The following SHISA6 variants were observed in gnomAD, a reference collection of about 807,000 sequenced individuals.
SHISA6 encodes shisa family member 6.
Under a neutral mutation model 47.9 loss-of-function variants are expected in SHISA6, and 22 were observed. The ratio of observed to expected loss-of-function variants is 0.46; its 90% CI spans 0.33 to 0.66. The LOEUF (loss-of-function observed/expected upper bound fraction) is 0.66. Ranked by LOEUF, SHISA6 falls within the 30% of genes least tolerant of loss-of-function variation. The pLI is 0.02. For synonymous variants in SHISA6, 388 were observed against 337.8 expected (o/e 1.15, Z -1.63); for missense variants, 680 against 764.6 (o/e 0.89, Z 1.30).
intron 3 of SHISA6, among the ~76,000 whole-genome samples, chr17:11,446,350 C>G (rs1461555937): frequency 6.6e-6 from 1 of 152,176 alleles, no homozygotes; most frequent in Non-Finnish European, 1.5e-5. Context: ...CACACTAGAC[C>G]TTCATCTATG....
At chr17:11,535,089 G>A (rs1197358106) in intron 3 of SHISA6, among the ~76,000 whole-genome samples, 6 of 151,920 alleles carry the variant, frequency 3.9e-5, no homozygotes, top group East Asian at 3.9e-4. Flanking sequence ...AGCCAAGAGC[G>A]CACCACTGCA....
intron 3 of SHISA6, among the ~76,000 whole-genome samples, chr17:11,416,613 T>C (rs912346576): frequency 1.3e-5 from 2 of 152,242 alleles, no homozygotes; most frequent in African/African-American, 4.8e-5. Context: ...TTTAGGACTT[T>C]CTGTATTTAG....
At chr17:11,402,424 G>A (rs1365499071) in intron 3 of SHISA6, among the ~76,000 whole-genome samples, 1 of 152,174 alleles carries the variant, frequency 6.6e-6, no homozygotes. Flanking sequence ...TTGAAATATA[G>A]TTCTCCAAAC....
At chr17:11,494,815 G>T (rs974839946) in intron 3 of SHISA6, among the ~76,000 whole-genome samples, 1 of 152,126 alleles carries the variant, frequency 6.6e-6, no homozygotes, top group Non-Finnish European at 1.5e-5. Context: ...TCTCAATGTT[G>T]GCTGTGCATT....
chr17:11,307,253 C>G (rs1445916393), intron 2 of SHISA6, among the ~76,000 whole-genome samples: 2 of 151,122 alleles, frequency 1.3e-5, no homozygotes, highest in Admixed American at 6.6e-5. Context: ...CTCAAGAGAT[C>G]TCCAAATGCA....
intron 3 of SHISA6, among the ~76,000 whole-genome samples, chr17:11,483,446 A>G (rs2969201): frequency 0.27 from 41,810 of 152,082 alleles, 5,828 homozygotes; most frequent in African/African-American, 0.32. Context: ...CAAGAAATAA[A>G]GTATAGCTTT....
chr17:11,263,078 T>G (rs923680851), intron 1 of SHISA6, among the ~76,000 whole-genome samples: 17 of 152,186 alleles, frequency 1.1e-4, no homozygotes, highest in African/African-American at 3.9e-4. Context: ...AGGTGGATAT[T>G]TGGGGAGCCA....
At chr17:11,482,094 T>A (rs570456942) in intron 3 of SHISA6, among the ~76,000 whole-genome samples, 2 of 151,968 alleles carry the variant, frequency 1.3e-5, no homozygotes, top group Admixed American at 6.6e-5. Flanking sequence ...AAAAATGGAA[T>A]TGAATCAATA....
At chr17:11,540,400 T>C (rs1030879025) in intron 3 of SHISA6, among the ~76,000 whole-genome samples, 2 of 152,186 alleles carry the variant, frequency 1.3e-5, no homozygotes, top group African/African-American at 2.4e-5. Flanking sequence ...AATGGGAGTC[T>C]GGCTATGTCT....
intron 3 of SHISA6, among the ~76,000 whole-genome samples, chr17:11,507,974 T>G (rs1364130250): frequency 6.6e-6 from 1 of 152,130 alleles, no homozygotes; most frequent in Non-Finnish European, 1.5e-5. Context: ...GCCCAAGGAC[T>G]CCAGTGCTAA....
intron 3 of SHISA6, among the ~76,000 whole-genome samples, chr17:11,516,170 T>C (rs545894689): frequency 6.6e-6 from 1 of 152,338 alleles, no homozygotes; most frequent in African/African-American, 2.4e-5. Flanking sequence ...CACCAGAGCA[T>C]TTCCTCAAGC....
chr17:11,316,374 C>A, intron 2 of SHISA6, among the ~76,000 whole-genome samples: 1 of 118,768 alleles, frequency 8.4e-6, no homozygotes, highest in Admixed American at 9.5e-5. Context: ...CCTTGCATTT[C>A]CATTAGTTCC....
At chr17:11,324,028 C>T (rs1910794956) in intron 2 of SHISA6, among the ~76,000 whole-genome samples, 2 of 152,146 alleles carry the variant, frequency 1.3e-5, no homozygotes, top group South Asian at 4.1e-4. Flanking sequence ...CTTGACATCT[C>T]AGCGTGCACA....
rs1461297309 is a variant in SHISA6 at position 11,279,802 on chromosome 17, AGAGAGAGAGAAAGAGG to A, written c.799+16287_799+16302del. Among the ~76,000 whole-genome samples, 7 of 116,028 alleles carry A rather than the reference AGAGAGAGAGAAAGAGG, an allele frequency of 6.0e-5. No homozygotes were observed. The East Asian group carries it at 8.2e-4, about 14-fold the overall frequency. The allele number at this position is 116,028 out of a possible 152,430, so 76.1% of individuals were successfully genotyped here. A position where few individuals can be genotyped will look rare whatever the true frequency, so the allele number is the denominator to read the frequency against. ...TCACCAAGAATAGCAAAGAGCAAAAAGAGAGAGAGAAAGAGGGAGAGAGAGAGAGGAGGCTAAGGAA... is the reference window on the plus strand; with the variant it reads ...TCACCAAGAATAGCAAAGAGCAAAAAGAGAGAGAGAGAGGAGGCTAAGGAA... On this transcript the variant is annotated intron_variant, in intron 2 of 5. Transcript: ENST00000441885.
chr17:11,278,900 G>A (rs1909024502), intron 2 of SHISA6, among the ~76,000 whole-genome samples: 1 of 152,216 alleles, frequency 6.6e-6, no homozygotes, highest in Non-Finnish European at 1.5e-5. Context: ...AGGGCAGGAA[G>A]GTGGAGCTGG....
intron 2 of SHISA6, among the ~76,000 whole-genome samples, chr17:11,376,317 T>G (rs944518299): frequency 1.4e-4 from 12 of 84,564 alleles, no homozygotes; most frequent in Non-Finnish European, 2.3e-4. Flanking sequence ...TCATGTTTTT[T>G]TTTGTTTGTT....
rs747780552 is a variant in SHISA6, at chr17:11,279,806, AGAGAGAAAGAGG to A, written c.799+16287_799+16298del. 3.1e-4 allele frequency among the ~76,000 whole-genome samples: 36 copies of A among 115,450 alleles called. No homozygotes were observed. The East Asian group carries it at 3.3e-3, about 10-fold the overall frequency. The allele number at this position is 115,450 out of a possible 152,430, so 75.7% of individuals were successfully genotyped here. On this transcript the variant is annotated intron_variant, in intron 2 of 5. Coordinates refer to ENST00000441885, the MANE Select transcript of SHISA6 (RefSeq NM_207386.4). ...CAAGAATAGCAAAGAGCAAAAAGAG[AGAGAGAAAGAGG>A]GAGAGAGAGAGAGGAGGCTAAGGAA...
intron 3 of SHISA6, among the ~76,000 whole-genome samples, chr17:11,542,117 T>C (rs1490176406): frequency 6.6e-6 from 1 of 152,156 alleles, no homozygotes; most frequent in African/African-American, 2.4e-5. Context: ...CCCTCCCCGC[T>C]GATCGGTCAG....
intron 3 of SHISA6, among the ~76,000 whole-genome samples, chr17:11,547,544 T>G (rs899516782): frequency 6.6e-6 from 1 of 152,204 alleles, no homozygotes; most frequent in Admixed American, 6.5e-5. Context: ...GTATTGTTGC[T>G]CATGGAATAG....
Sources: allele counts gnomAD v4.1 joint callset (sites outside exome capture counted in the v4.1 genomes callset), GRCh38; gene constraint gnomAD v4.1.1; transcripts MANE v1.5; gene names NCBI Gene and HGNC (gene_info 2026-07-23, HGNC 2026-07-21).